The following MYO15A variants were observed in gnomAD, a reference collection of about 807,000 sequenced individuals.
MYO15A encodes myosin XVA.
A neutral mutation model predicts 394.6 loss-of-function variants in MYO15A; 308 were observed. That is an observed-to-expected ratio of 0.78 (90% CI 0.71 to 0.86). The LOEUF (loss-of-function observed/expected upper bound fraction) is 0.86, where lower values mean the gene tolerates loss of function less well. Among genes scored for constraint, MYO15A ranks in the 40% least tolerant of loss-of-function variants. The pLI, the probability that MYO15A is intolerant of heterozygous loss-of-function variation, is 0.00. For synonymous variants in MYO15A, 1,957 were observed against 2,003.8 expected, an observed-to-expected ratio of 0.98 and a Z score of 0.62; for missense variants, 4,606 against 4,799.1, an observed-to-expected ratio of 0.96 and a Z score of 1.19.
Position 18,126,437 on chromosome 17 carries a change from G to A in MYO15A, c.3847G>A (p.Ala1283Thr), listed in dbSNP as rs2046042649. The change falls in exon 5 of 66, where the codon GCC (alanine) becomes ACC (threonine). Residue 1283 changes from alanine (A) to threonine (T), a missense_variant. Coordinates refer to ENST00000647165, the MANE Select transcript of MYO15A (RefSeq NM_016239.4). ...PEQVQQYNGR[A>T]LGENPPHLFA... The stretch of plus-strand genomic sequence containing the variant: ...GCAGGTGCAGCAGTACAACGGACGG[G>A]CCCTGGGAGAGAATCCCCCGTGAGT... 6.2e-7 allele frequency: 1 copy of A among 1,613,942 alleles called. No homozygotes were observed. Among genetic ancestry groups the A allele is most frequent in the Non-Finnish European group, 8.5e-7 (1 of 1,179,984 alleles).
chr17:18,159,271 A>C lies in MYO15A; in HGVS notation c.9157-4A>C, dbSNP rs755255324. On this transcript the variant is annotated splice_region_variant and splice_polypyrimidine_tract_variant and intron_variant, in intron 53 of 65. Transcript: ENST00000647165. ...CATCATGACACAGCCCTCTTCCCCC[A>C]CAGACTCCCCTCCAGGAATCCCTCA... is the stretch of plus-strand genomic sequence containing the variant. The C allele has an allele frequency of 1.2e-5, 20 of 1,613,714 alleles. No individual in the cohort carries two copies. Among genetic ancestry groups the C allele is most frequent in the Non-Finnish European group, 1.5e-5 (18 of 1,179,958 alleles).
chr17:18,170,625 G>A (rs1044436786), intron 62 of MYO15A, among the ~76,000 whole-genome samples: 1 of 151,920 alleles, frequency 6.6e-6, no homozygotes, highest in Non-Finnish European at 1.5e-5. Flanking sequence ...CTCCCAAAGT[G>A]TTGAGATTAC....
chr17:18,138,878 C>A lies in MYO15A; in HGVS notation c.5075C>A (p.Pro1692His). The A allele has an allele frequency of 3.7e-6, 6 of 1,613,642 alleles. No individual in the cohort carries two copies. Among genetic ancestry groups the A allele is most frequent in the Non-Finnish European group, 5.1e-6 (6 of 1,179,838 alleles). ...GGCGCCAACCCGCTCTATTCCAAAC[C>A]CAAGATGCCGCTGCCTGAGTTCACC... ...HHGANPLYSK[P>H]KMPLPEFTIK... is the part of the protein sequence containing the mutation. Residue 1692 changes from proline (P) to histidine (H), a missense_variant, in exon 18 of 66, where the codon CCC (proline) becomes CAC (histidine). By Grantham distance (77) the Pro-to-His change is moderately conservative. Coordinates refer to ENST00000647165, the MANE Select transcript of MYO15A (RefSeq NM_016239.4).
chr17:18,154,045 C>T, intron 43 of MYO15A, 86 bp from the exon 44 acceptor site: 1 of 1,602,920 alleles, frequency 6.2e-7, no homozygotes. Flanking sequence ...ACAGCCGGGG[C>T]GGAACTGCAT....
intron 1 of MYO15A, among the ~76,000 whole-genome samples, chr17:18,110,890 C>G (rs777180846): frequency 5.3e-5 from 8 of 152,206 alleles, no homozygotes; most frequent in Non-Finnish European, 8.8e-5. Context: ...AATACTGTTC[C>G]TTCTTCCATG....
chr17:18,133,988 T>C (rs1469099320), intron 12 of MYO15A, among the ~76,000 whole-genome samples: 1 of 151,016 alleles, frequency 6.6e-6, no homozygotes, highest in Non-Finnish European at 1.5e-5. Context: ...TATTTTATTT[T>C]TATTTATTTA....
chr17:18,137,711 G>C, intron 16 of MYO15A, 32 bp downstream of exon 16: 1 of 1,604,800 alleles, frequency 6.2e-7, no homozygotes, highest in Non-Finnish European at 8.5e-7. Context: ...TCCTGTCCCT[G>C]TCTTGACTGG....
chr17:18,166,577 G>A, intron 61 of MYO15A, 56 bp downstream of exon 61: 2 of 1,598,986 alleles, frequency 1.3e-6, no homozygotes, highest in South Asian at 2.2e-5. Context: ...CCCTGGGCCT[G>A]TGAATCAGAC....
chr17:18,150,834 A>G lies in MYO15A; in HGVS notation c.7396-2A>G. ...CTGGTCACCACTGCCACCTCTCCCC[A>G]GGCCCGGGAGATGACCCTGCAGGCC... On this transcript the variant is annotated splice_acceptor_variant, in intron 37 of 65. Transcript: ENST00000647165. LOFTEE classifies it high-confidence loss of function. This position sits in a 1 kb window ranked among gnomAD's most constrained non-coding sequence, Gnocchi z 4.4. The G allele has an allele frequency of 6.3e-7, 1 of 1,592,842 alleles. No homozygotes were observed. The highest frequency in any genetic ancestry group is 8.5e-7 in the Non-Finnish European group (1 of 1,169,606).
At chr17:18,163,161 T>TG in intron 58 of MYO15A, 83 bp from the exon 59 acceptor site, 1 of 1,451,650 alleles carries the variant, frequency 6.9e-7, no homozygotes, top group African/African-American at 1.4e-5. Flanking sequence ...TCCTTTGGCT[T>TG]GGGAACTCCC....
At chr17:18,145,601 C>T (rs554158270) in intron 29 of MYO15A, among the ~76,000 whole-genome samples, 1 of 152,218 alleles carries the variant, frequency 6.6e-6, no homozygotes, top group East Asian at 1.9e-4. Context: ...GTAATCCTAG[C>T]TACCTGAGGG....
chr17:18,121,165 T>G lies in MYO15A; in HGVS notation c.2365T>G (p.Cys789Gly), dbSNP rs1276309299. The G allele has an allele frequency of 1.3e-6, 2 of 1,517,126 alleles. No individual in the cohort carries two copies. The highest frequency in any genetic ancestry group is 1.8e-6 in the Non-Finnish European group (2 of 1,139,852). 94.0% of individuals were successfully genotyped at this position (1,517,126 alleles called of 1,614,324 possible). The change falls in exon 2 of 66, where the codon TGC becomes GGC. Residue 789 changes from cysteine (C) to glycine (G), a missense_variant. Cys to Gly is a radical substitution (Grantham distance 159, BLOSUM62 -3). This residue lies in a region of MYO15A where 1,830 missense variants were observed against 1,689.7 expected (regional missense o/e 1.08). Coordinates refer to ENST00000647165, the MANE Select transcript of MYO15A (RefSeq NM_016239.4). This position sits in a 1 kb window ranked among gnomAD's most constrained non-coding sequence, Gnocchi z 5.3. ...SLRSSPGLGY[C>G]SPLAPPSPQL... ...GAGGAGCTCGCCGGGCCTCGGCTAC[T>G]GCTCACCCTTGGCGCCCCCGTCGCC...
In MYO15A at chr17:18,118,753, T is replaced by C. The variant is rs1391927732; in HGVS notation, c.-48T>C. The C allele has an allele frequency of 6.2e-6, 10 of 1,606,800 alleles. No individual in the cohort carries two copies. The highest frequency in any genetic ancestry group is 1.1e-5 in the South Asian group (1 of 89,738). On this transcript the variant is annotated 5_prime_UTR_variant, in exon 2 of 66. An upstream open reading frame in the 5' UTR loses its in-frame stop. Coordinates refer to ENST00000647165, the MANE Select transcript of MYO15A (RefSeq NM_016239.4). ...GCAGGTCCCTGTGTCTCCAAGTCCC[T>C]GAGCCCGTGACACCGGCCCCAGGCC...
At chr17:18,136,274 T>G (rs1597785175) in intron 13 of MYO15A, 143 bp from the exon 14 acceptor site, 1 of 986,272 alleles carries the variant, frequency 1.0e-6, no homozygotes. Flanking sequence ...GGGGCAGGGG[T>G]GGTCCTGCCT....
rs977703675 is a variant in MYO15A at position 18,147,568 on chromosome 17, G to T, written c.6510-461G>T. ...CCCTTTTATAGGTGAAAACTTGGAG[G>T]AGAGGCTCAGAGAGGGCAGATAATC... On this transcript the variant is annotated intron_variant, in intron 30 of 65. Transcript: ENST00000647165. The surrounding 1 kb of genome is among the most constrained non-coding windows in gnomAD (Gnocchi z 4.4). 4.0e-5 allele frequency among the ~76,000 whole-genome samples: 6 copies of T among 151,876 alleles called. No individual in the cohort carries two copies. The highest frequency in any genetic ancestry group is 8.8e-5 in the Non-Finnish European group (6 of 68,032).
chr17:18,123,058 C>A (rs975313720), intron 2 of MYO15A: 2 of 152,504 alleles, frequency 1.3e-5, no homozygotes, highest in Non-Finnish European at 2.9e-5. Context: ...GTGCCCAGCC[C>A]ATGCCTGGCT....
rs878854410 is a variant in MYO15A, at chr17:18,127,077, G to A, written c.3944G>A (p.Gly1315Glu). 2 of 1,614,098 alleles carry A rather than the reference G, an allele frequency of 1.2e-6. No individual in the cohort carries two copies. The highest frequency in any genetic ancestry group is 1.1e-5 in the South Asian group (1 of 91,084). ...AKQNQCIIIS[G>E]ESGSGKTEAT... ...ACTCTGCCCCTTTGCTCGGTCAGTGGAGAGAGCGGCTCTGGCAAAACTGAG... is the reference window on the plus strand; with the variant it reads ...ACTCTGCCCCTTTGCTCGGTCAGTGAAGAGAGCGGCTCTGGCAAAACTGAG... The change falls in exon 7 of 66, where the codon GGA becomes GAA. Residue 1315 changes from glycine (G) to glutamate (E), a missense_variant and splice_region_variant. Coordinates refer to ENST00000647165, the MANE Select transcript of MYO15A (RefSeq NM_016239.4).
intron 64 of MYO15A, 195 bp from the exon 65 acceptor site, chr17:18,173,586 A>G (rs764244589): frequency 3.6e-5 from 25 of 694,464 alleles, no homozygotes; most frequent in Non-Finnish European, 6.5e-5. Flanking sequence ...TGTTGAATCA[A>G]TTTTATAGGT....
chr17:18,131,215 C>T, intron 8 of MYO15A, 24 bp from the exon 9 acceptor site: 1 of 1,589,684 alleles, frequency 6.3e-7, no homozygotes, highest in Non-Finnish European at 8.6e-7. Context: ...CCCCTCAATT[C>T]CCACATCTCC....
Sources: allele counts gnomAD v4.1 joint callset (sites outside exome capture counted in the v4.1 genomes callset), GRCh38; gene constraint gnomAD v4.1.1; regional missense constraint gnomAD v4.1.1; non-coding constraint Gnocchi (gnomAD v3.1); transcripts MANE v1.5; gene names NCBI Gene and HGNC (gene_info 2026-07-23, HGNC 2026-07-21).